The following PRKN variants were observed in gnomAD, a reference collection of about 807,000 sequenced individuals.
PRKN encodes parkin RBR E3 ubiquitin protein ligase.
PRKN carries 56 observed loss-of-function variants against 59.5 expected under a neutral mutation model. The observed-to-expected ratio is 0.94, with a 90% confidence interval of 0.76 to 1.18. The LOEUF (loss-of-function observed/expected upper bound fraction) is 1.18. PRKN is among the 50% of genes most tolerant of loss of function. The probability of loss-of-function intolerance (pLI) is 0.00; values close to 1 mark genes in which losing one functional copy is unlikely to be tolerated. For missense variants in PRKN, 657 were observed against 596.4 expected (o/e 1.10, Z -1.06); for synonymous variants, 250 against 222.1 (o/e 1.13, Z -1.12).
At chr6:162,087,785 G>T (rs1779312056) in intron 4 of PRKN, among the ~76,000 whole-genome samples, 1 of 151,970 alleles carries the variant, frequency 6.6e-6, no homozygotes, top group East Asian at 1.9e-4. Context: ...GTAGAGACGG[G>T]GTTTCACCAT....
chr6:161,387,976 A>G (rs1786341362), intron 9 of PRKN, among the ~76,000 whole-genome samples: 1 of 152,204 alleles, frequency 6.6e-6, no homozygotes, highest in Admixed American at 6.5e-5. Context: ...GCCATCGTAC[A>G]AAGAAGAAAG....
chr6:161,957,919 C>T (rs1428969955), intron 6 of PRKN, among the ~76,000 whole-genome samples: 1 of 152,166 alleles, frequency 6.6e-6, no homozygotes, highest in Non-Finnish European at 1.5e-5. Context: ...AACCATCTCT[C>T]TTGTAGAGGA....
At chr6:161,734,201 T>C (rs1324815376) in intron 7 of PRKN, among the ~76,000 whole-genome samples, 4 of 152,228 alleles carry the variant, frequency 2.6e-5, no homozygotes, top group African/African-American at 9.6e-5. Context: ...TTAAAGCAAC[T>C]GAAAATGAAC....
intron 9 of PRKN, among the ~76,000 whole-genome samples, chr6:161,481,616 A>G (rs1485711429): frequency 6.6e-6 from 1 of 152,088 alleles, no homozygotes; most frequent in African/African-American, 2.4e-5. Context: ...AAACAAAAAA[A>G]CAAAACAAAC....
intron 7 of PRKN, among the ~76,000 whole-genome samples, chr6:161,659,563 A>G (rs947753953): frequency 2.6e-5 from 4 of 152,160 alleles, no homozygotes; most frequent in African/African-American, 9.6e-5. Context: ...TGGGCTGGGC[A>G]TAAGGATGGA....
At chr6:162,217,462 C>T (rs887225702) in intron 3 of PRKN, among the ~76,000 whole-genome samples, 2 of 152,172 alleles carry the variant, frequency 1.3e-5, no homozygotes, top group African/African-American at 2.4e-5. Flanking sequence ...CTCACTGCAA[C>T]CCCCACCTCC....
chr6:161,625,931 C>T (rs536351857), intron 7 of PRKN, among the ~76,000 whole-genome samples: 2 of 152,230 alleles, frequency 1.3e-5, no homozygotes, highest in Non-Finnish European at 2.9e-5. Context: ...TAAGACCCCA[C>T]CCAAAGTCAT....
rs536081119 is a variant in PRKN at position 161,499,075 on chromosome 6, C to T, written c.1083+49779G>A. 1.3e-4 allele frequency among the ~76,000 whole-genome samples: 19 copies of T among 151,204 alleles called. No homozygotes were observed. In the East Asian group the frequency reaches 2.9e-3, roughly 23 times the overall value. On this transcript the variant is annotated intron_variant, in intron 9 of 11. Transcript: ENST00000366898. This position sits in a 1 kb window ranked among gnomAD's most constrained non-coding sequence, Gnocchi z 4.2. ...AAACCAACCTTCCCAGCTAGGGTTT[C>T]GTTCAAAGGTCACAACTGGTGGCTT...
intron 4 of PRKN, among the ~76,000 whole-genome samples, chr6:162,195,966 G>A (rs988407275): frequency 7.9e-5 from 12 of 152,188 alleles, no homozygotes; most frequent in African/African-American, 2.9e-4. Context: ...TATTATTAAA[G>A]TCAATCAAGT....
chr6:161,874,928 AAT>A, intron 6 of PRKN, among the ~76,000 whole-genome samples: 1 of 103,518 alleles, frequency 9.7e-6, no homozygotes, highest in Admixed American at 1.2e-4. Flanking sequence ...TAAAATATAA[AAT>A]ATAATATAAT....
chr6:162,589,580 T>G (rs1424279415), intron 1 of PRKN, among the ~76,000 whole-genome samples: 2 of 149,898 alleles, frequency 1.3e-5, no homozygotes, highest in Non-Finnish European at 1.5e-5. Flanking sequence ...TTTTCTGTGT[T>G]TCAGATTATT....
rs542255964 is a variant in PRKN at position 161,358,739 on chromosome 6, G to T, written c.1285+1349C>A. ...CCACTTCCCAGTGCACCCAGTGGTGGTGGAGACTAGAGAAGCTCTTTCCTT... is the reference window on the plus strand; with the variant it reads ...CCACTTCCCAGTGCACCCAGTGGTGTTGGAGACTAGAGAAGCTCTTTCCTT... On this transcript the variant is annotated intron_variant, in intron 11 of 11. Transcript: ENST00000366898. Among the ~76,000 whole-genome samples the T allele has an allele frequency of 1.9e-4, 29 of 151,394 alleles. No homozygotes were observed. The South Asian group carries it at 5.7e-3, about 30-fold the overall frequency.
At chr6:162,627,481 T>C (rs1782940878) in intron 1 of PRKN, among the ~76,000 whole-genome samples, 1 of 152,170 alleles carries the variant, frequency 6.6e-6, no homozygotes, top group South Asian at 2.1e-4. Flanking sequence ...TATCAGTGGC[T>C]TGTAAACAGG....
chr6:161,553,083 C>T (rs1368466394), intron 8 of PRKN, among the ~76,000 whole-genome samples: 1 of 151,034 alleles, frequency 6.6e-6, no homozygotes, highest in Non-Finnish European at 1.5e-5. Flanking sequence ...TTCTTTATCA[C>T]TCAAGGTTCA....
chr6:162,497,772 G>A (rs953647758), intron 1 of PRKN, among the ~76,000 whole-genome samples: 1 of 152,168 alleles, frequency 6.6e-6, no homozygotes, highest in African/African-American at 2.4e-5. Flanking sequence ...AAAAGCATAA[G>A]GGGGGAGGAG....
chr6:162,198,621 G>C (rs765195321), intron 4 of PRKN, among the ~76,000 whole-genome samples: 1 of 151,964 alleles, frequency 6.6e-6, no homozygotes, highest in Non-Finnish European at 1.5e-5. Context: ...CCATTGAATA[G>C]ATATTACCAA....
chr6:161,601,708 G>A (rs926260219), intron 7 of PRKN, among the ~76,000 whole-genome samples: 85 of 150,874 alleles, frequency 5.6e-4, no homozygotes, highest in Admixed American at 8.0e-4. Flanking sequence ...TCAGCCTCCC[G>A]AGTAGCTGGG....
At chr6:162,523,874 A>G (rs1281428127) in intron 1 of PRKN, among the ~76,000 whole-genome samples, 2 of 151,752 alleles carry the variant, frequency 1.3e-5, no homozygotes. Context: ...TGTTTAAAAA[A>G]CAAAAAATTA....
intron 1 of PRKN, among the ~76,000 whole-genome samples, chr6:162,582,522 A>G (rs1189003612): frequency 1.3e-5 from 2 of 152,198 alleles, no homozygotes; most frequent in African/African-American, 4.8e-5. Flanking sequence ...AGATGGAGTT[A>G]CGAATAGAAA....
Sources: gnomAD v4.1 joint callset for allele counts (sites outside exome capture counted in the v4.1 genomes callset) on GRCh38, gnomAD v4.1.1 for gene constraint, Gnocchi (gnomAD v3.1) non-coding constraint, MANE v1.5 for transcripts, NCBI Gene and HGNC (gene_info 2026-07-23, HGNC 2026-07-21) for gene names.